The following GRXCR1 variants were observed in gnomAD, a reference collection of about 807,000 sequenced individuals.
GRXCR1 encodes glutaredoxin domain-containing cysteine-rich protein 1.
A neutral mutation model predicts 27.3 loss-of-function variants in GRXCR1; 27 were observed. The observed-to-expected ratio is 0.99, with a 90% CI of 0.73 to 1.37. GRXCR1 has a LOEUF of 1.37. GRXCR1 is among the 40% of genes most tolerant of loss of function. The pLI is 0.00. For missense variants in GRXCR1, 379 were observed against 354.4 expected (o/e 1.07, Z -0.56); for synonymous variants, 122 against 131.1 (o/e 0.93, Z 0.47).
intron 2 of GRXCR1, among the ~76,000 whole-genome samples, chr4:43,001,570 A>G (rs1416197384): frequency 6.6e-6 from 1 of 151,882 alleles, no homozygotes; most frequent in African/African-American, 2.4e-5. Context: ...TCCTCGGTGT[A>G]TGTGTCTCAT....
At chr4:42,900,108 C>T (rs1746429108) in intron 1 of GRXCR1, among the ~76,000 whole-genome samples, 1 of 152,104 alleles carries the variant, frequency 6.6e-6, no homozygotes, top group South Asian at 2.1e-4. Flanking sequence ...GATATTTTCT[C>T]TGAAACCCAG....
intron 2 of GRXCR1, among the ~76,000 whole-genome samples, chr4:42,995,873 G>A (rs1344938587): frequency 2.0e-5 from 3 of 152,174 alleles, no homozygotes; most frequent in East Asian, 1.9e-4. Flanking sequence ...GATTGAGTCC[G>A]AGGACTTAGA....
At chr4:42,924,005 T>C (rs17534598) in intron 1 of GRXCR1, among the ~76,000 whole-genome samples, 26,613 of 152,026 alleles carry the variant, frequency 0.18, 2,621 homozygotes, top group South Asian at 0.3. Flanking sequence ...ATAAATTGCC[T>C]GCCACAAATT....
intron 3 of GRXCR1, among the ~76,000 whole-genome samples, chr4:43,021,711 A>C (rs1056068198): frequency 1.5e-4 from 23 of 152,176 alleles, no homozygotes; most frequent in African/African-American, 5.5e-4. Flanking sequence ...GATGGGCAGA[A>C]ATATAGTGCT....
chr4:42,909,258 C>T (rs922946300), intron 1 of GRXCR1, among the ~76,000 whole-genome samples: 2 of 152,074 alleles, frequency 1.3e-5, no homozygotes, highest in Admixed American at 6.6e-5. Flanking sequence ...GTCTAACATA[C>T]AGAAAATAAG....
At position 43,020,313 on chromosome 4, in the gene GRXCR1, A is replaced by G. The variant is rs371674165; in HGVS notation, c.628-41A>G. 4.2e-5 allele frequency: 55 copies of G among 1,298,918 alleles called. 2 individuals carry two copies. In the Middle Eastern group the frequency reaches 9.2e-4, roughly 22 times the overall value. The allele number at this position is 1,298,918 out of a possible 1,614,324, so 80.5% of individuals were successfully genotyped here. A position where few individuals can be genotyped will look rare whatever the true frequency, so the allele number is the denominator to read the frequency against. ...TTAGAACTTTATTTTCTCAAATACT[A>G]ACAAAAATGGATTTTTCTCCCTACT... On this transcript the variant is annotated intron_variant, in intron 2 of 3. Transcript: ENST00000399770.
chr4:43,001,784 C>A (rs372857699), intron 2 of GRXCR1, among the ~76,000 whole-genome samples: 1 of 152,038 alleles, frequency 6.6e-6, no homozygotes, highest in African/African-American at 2.4e-5. Flanking sequence ...GGACCTGCAC[C>A]GGCACCGACC....
At chr4:43,000,600 T>G (rs892033103) in intron 2 of GRXCR1, among the ~76,000 whole-genome samples, 1 of 152,116 alleles carries the variant, frequency 6.6e-6, no homozygotes, top group Admixed American at 6.6e-5. Flanking sequence ...TGGAATATTA[T>G]TACAATTATT....
At chr4:43,024,419 AG>A (rs1165745352) in intron 3 of GRXCR1, among the ~76,000 whole-genome samples, 1 of 152,038 alleles carries the variant, frequency 6.6e-6, no homozygotes, top group Non-Finnish European at 1.5e-5. Flanking sequence ...GGTCCTTCCT[AG>A]GGGAAAGGGG....
At chr4:42,981,343 C>A (rs949442341) in intron 2 of GRXCR1, among the ~76,000 whole-genome samples, 2 of 151,848 alleles carry the variant, frequency 1.3e-5, no homozygotes, top group African/African-American at 2.4e-5. Context: ...CACAATGTGC[C>A]CCCCCATATT....
At chr4:42,936,994 A>G (rs1427086508) in intron 1 of GRXCR1, among the ~76,000 whole-genome samples, 1 of 151,870 alleles carries the variant, frequency 6.6e-6, no homozygotes, top group African/African-American at 2.4e-5. Flanking sequence ...TACTCTTTGG[A>G]AAGAAGTCAT....
chr4:42,901,212 T>C (rs1270319531), intron 1 of GRXCR1, among the ~76,000 whole-genome samples: 1 of 152,174 alleles, frequency 6.6e-6, no homozygotes, highest in Admixed American at 6.6e-5. Flanking sequence ...CAACAATTAC[T>C]ACTCACCCGG....
chr4:43,007,505 T>C (rs1712600129), intron 2 of GRXCR1, among the ~76,000 whole-genome samples: 1 of 152,192 alleles, frequency 6.6e-6, no homozygotes, highest in African/African-American at 2.4e-5. Flanking sequence ...ATTGATGAGT[T>C]TCTAAAAGAT....
intron 1 of GRXCR1, among the ~76,000 whole-genome samples, chr4:42,894,825 T>C (rs192578043): frequency 6.6e-6 from 1 of 152,210 alleles, no homozygotes; most frequent in East Asian, 1.9e-4. Context: ...TCTAGAGATG[T>C]GATTATTTGG....
chr4:42,893,680 C>A (rs1746285349), intron 1 of GRXCR1, 30 bp downstream of exon 1: 1 of 1,605,408 alleles, frequency 6.2e-7, no homozygotes, highest in Non-Finnish European at 8.5e-7. Flanking sequence ...TTCTCCTGCT[C>A]TTTGTTCCTA....
At chr4:42,904,727 A>T (rs2109740819) in intron 1 of GRXCR1, among the ~76,000 whole-genome samples, 1 of 152,318 alleles carries the variant, frequency 6.6e-6, no homozygotes, top group South Asian at 2.1e-4. Flanking sequence ...TTCTTCAAAC[A>T]AATTGTGAAT....
chr4:43,021,933 A>T (rs1713105521), intron 3 of GRXCR1, among the ~76,000 whole-genome samples: 1 of 152,200 alleles, frequency 6.6e-6, no homozygotes, highest in African/African-American at 2.4e-5. Context: ...TGGCTGTGTG[A>T]CTTTGGGCAT....
chr4:42,998,941 C>T (rs1474458365), intron 2 of GRXCR1, among the ~76,000 whole-genome samples: 1 of 152,140 alleles, frequency 6.6e-6, no homozygotes, highest in African/African-American at 2.4e-5. Context: ...GACTTGATGT[C>T]CGGTACCTAT....
chr4:42,986,466 T>A (rs1192934481), intron 2 of GRXCR1, among the ~76,000 whole-genome samples: 2 of 152,128 alleles, frequency 1.3e-5, no homozygotes, highest in East Asian at 3.9e-4. Context: ...TCTGAAGTAC[T>A]GGGGAGGCTG....
Sources: gnomAD v4.1 joint callset for allele counts (sites outside exome capture counted in the v4.1 genomes callset) on GRCh38, gnomAD v4.1.1 for gene constraint, MANE v1.5 for transcripts, NCBI Gene and HGNC (gene_info 2026-07-23, HGNC 2026-07-21) for gene names.